LNPK: variants seen among roughly 807,000 people sequenced by gnomAD.
LNPK encodes endoplasmic reticulum junction formation protein lunapark.
LNPK carries 29 observed loss-of-function variants against 55.2 expected under a neutral mutation model. The observed-to-expected ratio is 0.53, with a 90% confidence interval of 0.39 to 0.72. LNPK has a LOEUF of 0.72. Among genes scored for constraint, LNPK ranks in the 30% least tolerant of loss-of-function variants. The pLI, the probability that LNPK is intolerant of heterozygous loss-of-function variation, is 0.00. For missense variants in LNPK, 467 were observed against 494.8 expected, an observed-to-expected ratio of 0.94 and a Z score of 0.53; for synonymous variants, 162 against 168.2, an observed-to-expected ratio of 0.96 and a Z score of 0.29.
chr2:175,996,457 G>A (rs1465720123), intron 1 of LNPK, among the ~76,000 whole-genome samples: 2 of 152,154 alleles, frequency 1.3e-5, no homozygotes, highest in Non-Finnish European at 2.9e-5. Flanking sequence ...GGTTATCTGT[G>A]ACCTTTAGCA....
chr2:175,994,148 A>G, intron 2 of LNPK: 1 of 977,454 alleles, frequency 1.0e-6, no homozygotes, highest in Non-Finnish European at 1.2e-6. Context: ...TACATACTCA[A>G]CAATCCAAGA....
chr2:175,999,328 T>C (rs1057087920), intron 1 of LNPK, among the ~76,000 whole-genome samples: 18 of 152,220 alleles, frequency 1.2e-4, no homozygotes, highest in Non-Finnish European at 4.4e-5. Flanking sequence ...CATCACTTAC[T>C]GTAAAATCTT....
chr2:175,953,812 TTGA>T (rs1351228223), intron 8 of LNPK, among the ~76,000 whole-genome samples: 2 of 151,932 alleles, frequency 1.3e-5, no homozygotes, highest in African/African-American at 4.8e-5. Flanking sequence ...AAATGCTAAC[TTGA>T]TGTAAAATTC....
chr2:175,996,302 T>C (rs1437724785), intron 1 of LNPK, among the ~76,000 whole-genome samples: 2 of 152,224 alleles, frequency 1.3e-5, no homozygotes, highest in African/African-American at 2.4e-5. Context: ...TTTCATACTA[T>C]ACACTTAAAT....
At chr2:175,944,396 T>C (rs888935063) in intron 9 of LNPK, among the ~76,000 whole-genome samples, 7 of 151,920 alleles carry the variant, frequency 4.6e-5, no homozygotes, top group Non-Finnish European at 7.4e-5. Context: ...TTTTATTTTA[T>C]ATAAAAATAA....
chr2:175,941,258 A>G (rs1234173639), intron 9 of LNPK, among the ~76,000 whole-genome samples: 7 of 113,346 alleles, frequency 6.2e-5, no homozygotes, highest in Non-Finnish European at 1.5e-4. Context: ...AACAGTCTCA[A>G]GCAGCCTAAT....
chr2:175,927,656 A>G lies in LNPK; in HGVS notation c.*2311T>C, dbSNP rs995945540. The G allele has an allele frequency of 2.6e-5, 4 of 152,220 alleles. No homozygotes were observed. The highest frequency in any genetic ancestry group is 9.6e-5 in the African/African-American group (4 of 41,460). 9.4% of individuals were successfully genotyped at this position (152,220 alleles called of 1,614,324 possible). On this transcript the variant is annotated 3_prime_UTR_variant, in exon 13 of 13. Transcript: ENST00000272748. ...AAGAATTTAGATGACCCACTGAACA[A>G]TTGTAAGCAAGGAAGCTAAGATCAC... is the stretch of plus-strand genomic sequence containing the variant.
intron 12 of LNPK, among the ~76,000 whole-genome samples, chr2:175,934,291 T>C (rs1353108499): frequency 6.6e-6 from 1 of 152,124 alleles, no homozygotes; most frequent in Non-Finnish European, 1.5e-5. Flanking sequence ...ATACTAAGAA[T>C]TTTCCCTTGT....
chr2:175,973,665 T>G (rs1309835146), intron 5 of LNPK, among the ~76,000 whole-genome samples: 1 of 152,208 alleles, frequency 6.6e-6, no homozygotes, highest in Non-Finnish European at 1.5e-5. Context: ...CTGCAAAGAC[T>G]TTTTATAGAG....
chr2:175,952,320 G>T (rs1306047064), intron 8 of LNPK, among the ~76,000 whole-genome samples: 1 of 151,488 alleles, frequency 6.6e-6, no homozygotes, highest in African/African-American at 2.4e-5. Flanking sequence ...AAACTCTTAG[G>T]GTGAATTTTG....
Position 175,938,308 on chromosome 2 carries a change from CT to C in LNPK, c.883+4del. 1 of 1,544,138 alleles carries C rather than the reference CT, an allele frequency of 6.5e-7. No homozygotes were observed. The highest frequency in any genetic ancestry group is 8.9e-7 in the Non-Finnish European group (1 of 1,122,276). ...ATTTAAATCTCATTGCCCAATAATT[CT>C]TACCAATGTATTCAAATTCTTCCTT... is the stretch of plus-strand genomic sequence containing the variant. On this transcript the variant is annotated splice_donor_region_variant and intron_variant, in intron 11 of 12. Coordinates refer to ENST00000272748, the MANE Select transcript of LNPK (RefSeq NM_030650.3).
rs758335162 is a variant in LNPK, at chr2:175,947,608, A to ACTGGAAC, written c.571_577dup (p.Val193GlyfsTer68). 8 of 1,613,836 alleles carry ACTGGAAC rather than the reference A, an allele frequency of 5.0e-6. No individual in the cohort carries two copies. The highest frequency in any genetic ancestry group is 6.8e-6 in the Non-Finnish European group (8 of 1,179,906). On this transcript the variant is annotated frameshift_variant, in exon 9 of 13. Coordinates refer to ENST00000272748, the MANE Select transcript of LNPK (RefSeq NM_030650.3). LOFTEE classifies it high-confidence loss of function. ...ACTGTCCTTTGGTGGTCCAGGAGAT[A>ACTGGAAC]CTGGAACTTGTGGAGGAGGGCCCTG...
intron 4 of LNPK, among the ~76,000 whole-genome samples, chr2:175,981,250 G>A (rs974608217): frequency 1.3e-5 from 2 of 152,158 alleles, no homozygotes; most frequent in East Asian, 1.9e-4. Context: ...TCTTTCACTT[G>A]TCTTTCTCTC....
intron 12 of LNPK, among the ~76,000 whole-genome samples, chr2:175,935,403 C>T (rs1459887085): frequency 2.0e-5 from 3 of 152,016 alleles, no homozygotes; most frequent in Admixed American, 6.6e-5. Context: ...CATAAGCCAC[C>T]GGGGTTCAAA....
At chr2:175,989,918 T>C (rs1180055641) in intron 4 of LNPK, among the ~76,000 whole-genome samples, 2 of 152,344 alleles carry the variant, frequency 1.3e-5, no homozygotes, top group East Asian at 3.9e-4. Context: ...ATACAATATA[T>C]GTTCAGTCCT....
At chr2:175,964,912 C>T (rs1686252558) in intron 6 of LNPK, among the ~76,000 whole-genome samples, 1 of 152,076 alleles carries the variant, frequency 6.6e-6, no homozygotes, top group South Asian at 2.1e-4. Context: ...TTAGACATGA[C>T]AAGCAAATGA....
At chr2:176,002,377 A>G (rs1328397038), upstream of LNPK, 1 of 362,552 alleles carries the variant, frequency 2.8e-6, no homozygotes, top group African/African-American at 2.2e-5. Flanking sequence ...CTGGGCGGGT[A>G]GTTGTTGGGG....
At chr2:175,980,372 A>G (rs1687113542) in intron 4 of LNPK, among the ~76,000 whole-genome samples, 1 of 152,228 alleles carries the variant, frequency 6.6e-6, no homozygotes, top group Non-Finnish European at 1.5e-5. Context: ...AGCTACCTGA[A>G]GGAAAAATAA....
At chr2:175,956,510 C>T (rs1341004570) in intron 8 of LNPK, among the ~76,000 whole-genome samples, 1 of 152,116 alleles carries the variant, frequency 6.6e-6, no homozygotes, top group East Asian at 1.9e-4. Flanking sequence ...GGTCAGTGAA[C>T]ATTTTTGGAA....
Sources: gnomAD v4.1 joint callset for allele counts (sites outside exome capture counted in the v4.1 genomes callset) on GRCh38, gnomAD v4.1.1 for gene constraint, MANE v1.5 for transcripts, NCBI Gene and HGNC (gene_info 2026-07-23, HGNC 2026-07-21) for gene names.